The following ANKRD42 variants were observed in gnomAD, a reference collection of about 807,000 sequenced individuals.
The protein encoded by ANKRD42 is ankyrin repeat domain-containing protein 42.
Under a neutral mutation model 51.5 loss-of-function variants are expected in ANKRD42, and 43 were observed. That is an observed-to-expected ratio of 0.83 (90% CI 0.65 to 1.08). The LOEUF (loss-of-function observed/expected upper bound fraction) is 1.08. Among genes scored for constraint, ANKRD42 ranks in the 50% least tolerant of loss-of-function variants. The pLI is 0.00. For missense variants in ANKRD42, 608 were observed against 629.3 expected, an observed-to-expected ratio of 0.97 and a Z score of 0.36; for synonymous variants, 203 against 213.0, an observed-to-expected ratio of 0.95 and a Z score of 0.41.
Position 83,227,729 on chromosome 11 carries a change from G to A in ANKRD42, c.788-18G>A. ...AAACTCTTATGTTTATTGAAATGCTGAATTTTTTTATTCATAGCTTTAGCA... is the reference window on the plus strand; with the variant it reads ...AAACTCTTATGTTTATTGAAATGCTAAATTTTTTTATTCATAGCTTTAGCA... On this transcript the variant is annotated intron_variant, in intron 6 of 10. Coordinates refer to ENST00000533342, the MANE Select transcript of ANKRD42 (RefSeq NM_001300975.2). 1 of 1,596,140 alleles carries A rather than the reference G, an allele frequency of 6.3e-7. No individual in the cohort carries two copies. The highest frequency in any genetic ancestry group is 1.1e-5 in the South Asian group (1 of 87,554).
Position 83,194,498 on chromosome 11 carries a change from G to T in ANKRD42, c.-173G>T, listed in dbSNP as rs1299554461. 1 of 725,008 alleles carries T rather than the reference G, an allele frequency of 1.4e-6. No individual in the cohort carries two copies. The highest frequency in any genetic ancestry group is 2.5e-6 in the Non-Finnish European group (1 of 404,578). The allele number at this position is 725,008 out of a possible 1,614,324, so 44.9% of individuals were successfully genotyped here. A position where few individuals can be genotyped will look rare whatever the true frequency, so the allele number is the denominator to read the frequency against. On this transcript the variant is annotated 5_prime_UTR_variant, in exon 1 of 11. Transcript: ENST00000533342. ...TGGGAGAGAGAAAGTGAAGACGAAG[G>T]TTTCCGCTGCAGCTTCTGGGAGAGA...
At chr11:83,215,891 G>A (rs1018640157) in intron 5 of ANKRD42, among the ~76,000 whole-genome samples, 3 of 152,066 alleles carry the variant, frequency 2.0e-5, no homozygotes, top group South Asian at 2.1e-4. Context: ...CTCCTCCTGG[G>A]TTCAAGAGAT....
chr11:83,216,518 G>A lies in ANKRD42; in HGVS notation c.586+5088G>A, dbSNP rs944866564. Among the ~76,000 whole-genome samples, 364 of 151,894 alleles carry A rather than the reference G, an allele frequency of 2.4e-3. 6 individuals carry two copies. Among genetic ancestry groups the A allele is most frequent in the East Asian group, 1.2e-3 (6 of 5,128 alleles). ...TTTTTGTATTTTTAGTAGAGACGGG[G>A]TTTCACCGTGTTAGCCAGGATGGTC... is the stretch of plus-strand genomic sequence containing the variant. On this transcript the variant is annotated intron_variant, in intron 5 of 10. Transcript: ENST00000533342.
At chr11:83,199,948 G>C (rs526933) in intron 2 of ANKRD42, among the ~76,000 whole-genome samples, 80,393 of 151,906 alleles carry the variant, frequency 0.53, 22,726 homozygotes, top group African/African-American at 0.74. Context: ...GCTGGTATCC[G>C]TGGGTAGGTG....
In ANKRD42 at chr11:83,194,080, G is replaced by C; in HGVS notation, c.-591G>C. The C allele has an allele frequency of 2.2e-6, 1 of 456,542 alleles. No individual in the cohort carries two copies. The highest frequency in any genetic ancestry group is 1.5e-5 in the South Asian group (1 of 64,566). 28.3% of individuals were successfully genotyped at this position (456,542 alleles called of 1,614,324 possible). On this transcript the variant is annotated 5_prime_UTR_variant, in exon 1 of 11. Coordinates refer to ENST00000533342, the MANE Select transcript of ANKRD42 (RefSeq NM_001300975.2). ...CTGCCGCAGCGTCTCTAGGGAGAGA[G>C]TTAGGGGAGATAGTGGCCACAGTCA...
In ANKRD42 at chr11:83,198,784, C is replaced by T. The variant is rs530322561; in HGVS notation, c.222+142C>T. ...ATAGTCAGTTTAATATTTGGGTATT[C>T]CACTTTGCTAGGGCTTTATAACAAA... On this transcript the variant is annotated intron_variant, in intron 2 of 10. Transcript: ENST00000533342. 4 of 696,302 alleles carry T rather than the reference C, an allele frequency of 5.7e-6. No individual in the cohort carries two copies. The African/African-American group carries it at 7.4e-5, about 13-fold the overall frequency. The allele number at this position is 696,302 out of a possible 1,614,324, so 43.1% of individuals were successfully genotyped here.
chr11:83,210,261 T>C (rs1358267349), intron 3 of ANKRD42, 39 bp from the exon 4 acceptor site: 3 of 1,594,344 alleles, frequency 1.9e-6, no homozygotes, highest in Admixed American at 3.3e-5. Flanking sequence ...GTTTAACATC[T>C]ATACTCATGT....
At chr11:83,214,314 A>C in intron 5 of ANKRD42, 1 of 529,862 alleles carries the variant, frequency 1.9e-6, no homozygotes, top group Non-Finnish European at 2.4e-6. Context: ...AATTTTATTT[A>C]TCTTTCATAT....
downstream of ANKRD42, among the ~76,000 whole-genome samples, chr11:83,257,962 A>AC (rs1863802639): frequency 6.6e-6 from 1 of 152,226 alleles, no homozygotes; most frequent in Non-Finnish European, 1.5e-5. Flanking sequence ...CAGCCAAGAG[A>AC]CCAAGTTGTG....
Position 83,224,921 on chromosome 11 carries a change from C to G in ANKRD42, c.653C>G (p.Ala218Gly), listed in dbSNP as rs77458774. Residue 218 changes from alanine (A) to glycine (G), a missense_variant, in exon 6 of 11, where the codon GCG becomes GGG. Coordinates refer to ENST00000533342, the MANE Select transcript of ANKRD42 (RefSeq NM_001300975.2). Reference sequence around the variant, plus strand: ...TTCCTAGTCAGTAGAATGAGCAGTGCGACGCAAGTTTTAAAAGCTTTCAAT... The same window carrying G: ...TTCCTAGTCAGTAGAATGAGCAGTGGGACGCAAGTTTTAAAAGCTTTCAAT... ...FKFLVSRMSSATQVLKAFNDN... is the reference protein window; with the variant it reads ...FKFLVSRMSSGTQVLKAFNDN... 1 of 1,612,944 alleles carries G rather than the reference C, an allele frequency of 6.2e-7. No homozygotes were observed. Among genetic ancestry groups the G allele is most frequent in the Admixed American group, 1.7e-5 (1 of 59,978 alleles).
At chr11:83,257,082 A>G (rs1187071593), downstream of ANKRD42, among the ~76,000 whole-genome samples, 1 of 152,218 alleles carries the variant, frequency 6.6e-6, no homozygotes, top group Non-Finnish European at 1.5e-5. Flanking sequence ...TATAAGGGTT[A>G]TTAAAAGGAT....
intron 6 of ANKRD42, among the ~76,000 whole-genome samples, chr11:83,227,257 C>T (rs1236213828): frequency 4.6e-5 from 7 of 152,184 alleles, no homozygotes; most frequent in South Asian, 2.1e-4. Flanking sequence ...TGATTACAGG[C>T]GTGAGCCACC....
At chr11:83,197,758 A>G (rs1861714605) in intron 1 of ANKRD42, among the ~76,000 whole-genome samples, 1 of 152,250 alleles carries the variant, frequency 6.6e-6, no homozygotes, top group Non-Finnish European at 1.5e-5. Context: ...ATGAAGCACT[A>G]AGAGTATGTG....
Position 83,245,497 on chromosome 11 carries a change from G to T in ANKRD42, c.1196-1G>T. On this transcript the variant is annotated splice_acceptor_variant, in intron 9 of 10. Coordinates refer to ENST00000533342, the MANE Select transcript of ANKRD42 (RefSeq NM_001300975.2). LOFTEE classifies it high-confidence loss of function. ...GGTTCCTACTCAACTCTGTCTTGCA[G>T]TGAGAGCTTACAAGAAAATTGTAGA... is the stretch of plus-strand genomic sequence containing the variant. The T allele has an allele frequency of 6.5e-7, 1 of 1,536,140 alleles. No individual in the cohort carries two copies. Among genetic ancestry groups the T allele is most frequent in the Non-Finnish European group, 8.7e-7 (1 of 1,146,880 alleles).
At chr11:83,198,984 G>A (rs1369572020) in intron 2 of ANKRD42, among the ~76,000 whole-genome samples, 2 of 152,142 alleles carry the variant, frequency 1.3e-5, no homozygotes, top group East Asian at 1.9e-4. Context: ...AGATGTCTCT[G>A]GTGGTTGATG....
chr11:83,204,941 A>G (rs1235092897), intron 2 of ANKRD42, among the ~76,000 whole-genome samples: 2 of 152,234 alleles, frequency 1.3e-5, no homozygotes, highest in African/African-American at 4.8e-5. Context: ...AGGCAAATGC[A>G]AATTAAGACC....
At chr11:83,238,832 GAA>G (rs200971761) in intron 8 of ANKRD42, among the ~76,000 whole-genome samples, 4 of 135,780 alleles carry the variant, frequency 2.9e-5, no homozygotes, top group East Asian at 2.1e-4. Flanking sequence ...CTCTGTCTCC[GAA>G]AAAAAAAAAA....
At chr11:83,230,339 A>C (rs1256739772) in intron 7 of ANKRD42, among the ~76,000 whole-genome samples, 4 of 152,166 alleles carry the variant, frequency 2.6e-5, no homozygotes, top group Non-Finnish European at 5.9e-5. Context: ...GGCATGAGCC[A>C]CTGCATCCAG....
At chr11:83,251,940 A>T (rs199546779), downstream of ANKRD42, among the ~76,000 whole-genome samples, 4 of 152,216 alleles carry the variant, frequency 2.6e-5, no homozygotes, top group East Asian at 7.7e-4. Flanking sequence ...TTCATCAAAG[A>T]TTATATGAAC....
Sources: allele counts gnomAD v4.1 joint callset (sites outside exome capture counted in the v4.1 genomes callset), GRCh38; gene constraint gnomAD v4.1.1; transcripts MANE v1.5; gene names NCBI Gene and HGNC (gene_info 2026-07-23, HGNC 2026-07-21).